ABLIM2: variants seen among roughly 807,000 people sequenced by gnomAD.
ABLIM2 encodes the protein actin binding LIM protein family member 2.
Under a neutral mutation model 97.7 loss-of-function variants are expected in ABLIM2, and 53 were observed. The ratio of observed to expected loss-of-function variants is 0.54; its 90% confidence interval spans 0.44 to 0.68. The LOEUF is 0.68. Ranked by LOEUF, ABLIM2 falls within the 30% of genes least tolerant of loss-of-function variation. The pLI is 0.00. For synonymous variants in ABLIM2, 361 were observed against 345.8 expected, an observed-to-expected ratio of 1.04 and a Z score of -0.49; for missense variants, 835 against 867.2, an observed-to-expected ratio of 0.96 and a Z score of 0.47.
chr4:7,999,539 A>G lies in ABLIM2; in HGVS notation c.1619-6612T>C, dbSNP rs1277711969. On this transcript the variant is annotated intron_variant, in intron 16 of 20. Transcript: ENST00000447017. This position sits in a 1 kb window ranked among gnomAD's most constrained non-coding sequence, Gnocchi z 4.4. ...GAGGCTGAGATGAGGAGGGCTCCCTAGCTTCAGGAACCAGTAACCCTATCT... is the reference window on the plus strand; with the variant it reads ...GAGGCTGAGATGAGGAGGGCTCCCTGGCTTCAGGAACCAGTAACCCTATCT... Among the ~76,000 whole-genome samples, 2 of 152,226 alleles carry G rather than the reference A, an allele frequency of 1.3e-5. No individual in the cohort carries two copies. Among genetic ancestry groups the G allele is most frequent in the African/African-American group, 2.4e-5 (1 of 41,460 alleles).
chr4:8,097,356 C>T, intron 2 of ABLIM2, 74 bp from the exon 3 acceptor site: 1 of 1,506,252 alleles, frequency 6.6e-7, no homozygotes, highest in Non-Finnish European at 9.0e-7. Flanking sequence ...CGAGGTGCAC[C>T]CCCCTCCACA....
rs1010377270 is a variant in ABLIM2 at position 7,980,642 on chromosome 4, G to A, written c.1824+2622C>T. ...AGGCAGAAGAATCACTTGAGTCTGG[G>A]AAGTGGGGGTTGCAGTGAGCCAAGA... On this transcript the variant is annotated intron_variant, in intron 20 of 20. Coordinates refer to ENST00000447017, the MANE Select transcript of ABLIM2 (RefSeq NM_001130083.2). 2.0e-5 allele frequency among the ~76,000 whole-genome samples: 3 copies of A among 151,290 alleles called. No homozygotes were observed. In the South Asian group the frequency reaches 6.4e-4, roughly 32 times the overall value.
rs184181266 is a variant in ABLIM2 at position 8,113,409 on chromosome 4, C to T, written c.11-6772G>A. Among the ~76,000 whole-genome samples the T allele has an allele frequency of 1.9e-3, 293 of 152,258 alleles. 1 individual carries two copies. The highest frequency in any genetic ancestry group is 6.7e-3 in the African/African-American group (280 of 41,550). ...CGTGCCTGGCTGGGGATTTGCTTGA[C>T]TGTTTATTTCCGATCTGTGCCCACG... On this transcript the variant is annotated intron_variant, in intron 1 of 20. Transcript: ENST00000447017. The surrounding 1 kb of genome is among the most constrained non-coding windows in gnomAD (Gnocchi z 4.5).
Position 7,983,362 on chromosome 4 carries a change from C to T in ABLIM2, c.1744-18G>A. The T allele has an allele frequency of 7.5e-6, 12 of 1,608,472 alleles. No homozygotes were observed. The highest frequency in any genetic ancestry group is 1.0e-5 in the Non-Finnish European group (12 of 1,177,602). ...GGATAGATCTGTTGGGGGAGGAAACCACAGGGTCACCTCACGAAGCAAGTG... is the reference window on the plus strand; with the variant it reads ...GGATAGATCTGTTGGGGGAGGAAACTACAGGGTCACCTCACGAAGCAAGTG... On this transcript the variant is annotated intron_variant, in intron 19 of 20. Coordinates refer to ENST00000447017, the MANE Select transcript of ABLIM2 (RefSeq NM_001130083.2).
In ABLIM2 at chr4:8,112,116, A is replaced by G. The variant is rs1840644186; in HGVS notation, c.11-5479T>C. 6.6e-6 allele frequency among the ~76,000 whole-genome samples: 1 copy of G among 152,168 alleles called. No individual in the cohort carries two copies. The highest frequency in any genetic ancestry group is 1.5e-5 in the Non-Finnish European group (1 of 68,036). On this transcript the variant is annotated intron_variant, in intron 1 of 20. Coordinates refer to ENST00000447017, the MANE Select transcript of ABLIM2 (RefSeq NM_001130083.2). This position sits in a 1 kb window ranked among gnomAD's most constrained non-coding sequence, Gnocchi z 4.2. ...CTGAGAGTATTTAATCCCTCATGATAATGAAACCCCAGCCTTGGGAAGCCC... is the reference window on the plus strand; with the variant it reads ...CTGAGAGTATTTAATCCCTCATGATGATGAAACCCCAGCCTTGGGAAGCCC...
chr4:7,995,206 ACTGT>A (rs1752398243), intron 16 of ABLIM2, among the ~76,000 whole-genome samples: 1 of 152,170 alleles, frequency 6.6e-6, no homozygotes, highest in African/African-American at 2.4e-5. Context: ...GGGTCCCTAA[ACTGT>A]CTGTCTTTCC....
At position 8,155,829 on chromosome 4, in the gene ABLIM2, G is replaced by C. The variant is rs1168764320; in HGVS notation, c.10+2851C>G. Among the ~76,000 whole-genome samples, 1 of 151,690 alleles carries C rather than the reference G, an allele frequency of 6.6e-6. No homozygotes were observed. The highest frequency in any genetic ancestry group is 2.4e-5 in the African/African-American group (1 of 41,332). On this transcript the variant is annotated intron_variant, in intron 1 of 20. Transcript: ENST00000447017. The surrounding 1 kb of genome is among the most constrained non-coding windows in gnomAD (Gnocchi z 4.2). ...AGGACACAGACACACACAAAGGGAA[G>C]ACGGGGCGAGGACACAGACACACAC...
intron 1 of ABLIM2, among the ~76,000 whole-genome samples, chr4:8,107,172 T>C (rs1006000000): frequency 2.8e-4 from 43 of 152,250 alleles, no homozygotes; most frequent in African/African-American, 9.6e-4. Context: ...TGAATATTGC[T>C]GCGGTCCCCT....
intron 16 of ABLIM2, among the ~76,000 whole-genome samples, chr4:8,000,843 C>A (rs1473188640): frequency 6.6e-6 from 1 of 152,164 alleles, no homozygotes; most frequent in Non-Finnish European, 1.5e-5. Context: ...GGTGACAGAT[C>A]TGTGATCCAG....
chr4:8,066,369 GGAAGGAAGGAAGGAAGGAA>G (rs1414921785), intron 6 of ABLIM2, among the ~76,000 whole-genome samples: 2 of 30,982 alleles, frequency 6.5e-5, no homozygotes, highest in East Asian at 6.4e-3. Flanking sequence ...AGGGAAGGAA[GGAAGGAAGGAAGGAAGGAA>G]GGAAGGAAGG....
rs1405837680 is a variant in ABLIM2 at position 8,002,584 on chromosome 4, T to C, written c.1618+5475A>G. ...CACTGCGCTCCAGACCTTTCCTGAT[T>C]GGACCTCGGCCTGCTTCCACCAGCT... On this transcript the variant is annotated intron_variant, in intron 16 of 20. Coordinates refer to ENST00000447017, the MANE Select transcript of ABLIM2 (RefSeq NM_001130083.2). This position sits in a 1 kb window ranked among gnomAD's most constrained non-coding sequence, Gnocchi z 6.1. 6.6e-6 allele frequency among the ~76,000 whole-genome samples: 1 copy of C among 152,140 alleles called. No homozygotes were observed. The highest frequency in any genetic ancestry group is 2.4e-5 in the African/African-American group (1 of 41,434).
chr4:8,016,172 T>C (rs1769094867), intron 14 of ABLIM2, among the ~76,000 whole-genome samples: 1 of 150,918 alleles, frequency 6.6e-6, no homozygotes, highest in Admixed American at 6.6e-5. Flanking sequence ...ACCTCCCAAG[T>C]AGCTGGGATT....
chr4:8,076,896 G>C lies in ABLIM2; in HGVS notation c.675+732C>G, dbSNP rs867381664. 7.8e-4 allele frequency among the ~76,000 whole-genome samples: 49 copies of C among 62,790 alleles called. 2 individuals carry two copies. The highest frequency in any genetic ancestry group is 2.8e-3 in the East Asian group (4 of 1,404). 41.2% of individuals were successfully genotyped at this position (62,790 alleles called of 152,430 possible). A position where few individuals can be genotyped will look rare whatever the true frequency, so the allele number is the denominator to read the frequency against. On this transcript the variant is annotated intron_variant, in intron 6 of 20. Transcript: ENST00000447017. ...GAGAGGGTGGGCTACAGGGTGGGGG[G>C]GTCTGTGAACCCAGAGAGGGTGGGC...
chr4:8,019,919 G>C lies in ABLIM2; in HGVS notation c.1370-248C>G, dbSNP rs573269117. Among the ~76,000 whole-genome samples the C allele has an allele frequency of 6.6e-6, 1 of 152,198 alleles. No individual in the cohort carries two copies. The highest frequency in any genetic ancestry group is 1.5e-5 in the Non-Finnish European group (1 of 68,032). On this transcript the variant is annotated intron_variant, in intron 13 of 20. Coordinates refer to ENST00000447017, the MANE Select transcript of ABLIM2 (RefSeq NM_001130083.2). The surrounding 1 kb of genome is among the most constrained non-coding windows in gnomAD (Gnocchi z 4.3). ...ACCTTGTGGTCCCCCGGGAAGTGTAGCCAGCTCAGACAGCCCTTTTCCTTC... is the reference window on the plus strand; with the variant it reads ...ACCTTGTGGTCCCCCGGGAAGTGTACCCAGCTCAGACAGCCCTTTTCCTTC...
At chr4:8,088,739 C>T (rs1263395137) in intron 3 of ABLIM2, among the ~76,000 whole-genome samples, 4 of 152,206 alleles carry the variant, frequency 2.6e-5, no homozygotes, top group African/African-American at 9.7e-5. Context: ...TGATAGGTGC[C>T]CTATAGGCAT....
chr4:7,984,216 G>A (rs187637270), intron 18 of ABLIM2, among the ~76,000 whole-genome samples: 4 of 152,340 alleles, frequency 2.6e-5, no homozygotes, highest in Admixed American at 2.6e-4. Flanking sequence ...TGCCCCGTGT[G>A]GTTCTGGACC....
chr4:8,089,573 A>G (rs547412825), intron 3 of ABLIM2, among the ~76,000 whole-genome samples: 1 of 152,098 alleles, frequency 6.6e-6, no homozygotes, highest in South Asian at 2.1e-4. Flanking sequence ...GGTCTCTACT[A>G]AAAACACAAA....
rs181729661 is a variant in ABLIM2 at position 8,022,279 on chromosome 4, C to T, written c.1268-1976G>A. 3.3e-5 allele frequency among the ~76,000 whole-genome samples: 5 copies of T among 152,294 alleles called. No homozygotes were observed. In the East Asian group the frequency reaches 9.7e-4, roughly 29 times the overall value. ...TGGAATCATGGCCCCTGATCTGCCT[C>T]AGCCCCCACTCAGTGGGCCGAGGAT... On this transcript the variant is annotated intron_variant, in intron 12 of 20. Coordinates refer to ENST00000447017, the MANE Select transcript of ABLIM2 (RefSeq NM_001130083.2). This position sits in a 1 kb window ranked among gnomAD's most constrained non-coding sequence, Gnocchi z 7.8.
intron 14 of ABLIM2, among the ~76,000 whole-genome samples, chr4:8,014,248 G>A (rs886472779): frequency 2.0e-5 from 3 of 152,352 alleles, no homozygotes; most frequent in South Asian, 2.1e-4. Context: ...GAAGGTGCCC[G>A]GGGTTTCATC....
Sources: allele counts gnomAD v4.1 joint callset (sites outside exome capture counted in the v4.1 genomes callset), GRCh38; gene constraint gnomAD v4.1.1; non-coding constraint Gnocchi (gnomAD v3.1); transcripts MANE v1.5; gene names NCBI Gene and HGNC (gene_info 2026-07-23, HGNC 2026-07-21).